Variants in NES observed in about 807,000 individuals in gnomAD.
NES encodes the protein nestin.
Under a neutral mutation model 35.6 loss-of-function variants are expected in NES, and 27 were observed. The ratio of observed to expected loss-of-function variants is 0.76; its 90% CI spans 0.56 to 1.04. NES has a LOEUF of 1.04. NES is among the 50% of genes least tolerant of loss of function. The pLI, the probability that NES is intolerant of heterozygous loss-of-function variation, is 0.00. For missense variants in NES, 1,867 were observed against 1,983.6 expected, an observed-to-expected ratio of 0.94 and a Z score of 1.12; for synonymous variants, 822 against 824.2, an observed-to-expected ratio of 1.00 and a Z score of 0.04.
At position 156,669,547 on chromosome 1, in the gene NES, CTG is replaced by C; in HGVS notation, c.4639_4640del (p.Gln1547AlafsTer14). The C allele has an allele frequency of 6.2e-7, 1 of 1,613,214 alleles. No homozygotes were observed. The highest frequency in any genetic ancestry group is 8.5e-7 in the Non-Finnish European group (1 of 1,179,354). On this transcript the variant is annotated frameshift_variant, in exon 4 of 4. Coordinates refer to ENST00000368223, the MANE Select transcript of NES (RefSeq NM_006617.2). LOFTEE classifies it low-confidence loss of function (END_TRUNC). ...CGTTCATCACTCCCCCATTCACATGCTGTGACTTCCCCTCCAAGTTGGGACCC... is the reference window on the plus strand; with the variant it reads ...CGTTCATCACTCCCCCATTCACATGCTGACTTCCCCTCCAAGTTGGGACCC... Reference protein sequence around the residue: ...GQGPNLEGKSQHVNGGVMNGL... With the variant: ...GQGPNLEGKSXHVNGGVMNGL...
Position 156,671,867 on chromosome 1 carries a change from T to C in NES, c.2321A>G (p.Gln774Arg), listed in dbSNP as rs770484882. 1 of 1,614,036 alleles carries C rather than the reference T, an allele frequency of 6.2e-7. No homozygotes were observed. ...TTTTTCTGGGGGTCTTAATGTCATC[T>C]GATCCTGTTCCCCTAGAGACCTCCG... ...QRRRSLGEQD[Q>R]MTLRPPEKVD... The change falls in exon 4 of 4, where the codon CAG becomes CGG. Residue 774 changes from glutamine to arginine, a missense_variant. Physicochemically the swap from Gln to Arg is conservative, Grantham distance 43 (BLOSUM62 1). Transcript: ENST00000368223.
At position 156,669,122 on chromosome 1, in the gene NES, A is replaced by T. The variant is rs941872169; in HGVS notation, c.*200T>A. 2.2e-6 allele frequency: 1 copy of T among 458,218 alleles called. No individual in the cohort carries two copies. The highest frequency in any genetic ancestry group is 3.8e-6 in the Non-Finnish European group (1 of 261,028). 28.4% of individuals were successfully genotyped at this position (458,218 alleles called of 1,614,324 possible). ...GATTCCCTTTGCAGGGTGGGAGGTTATATTCCTACAGCCTCCATTCTTGGA... is the reference window on the plus strand; with the variant it reads ...GATTCCCTTTGCAGGGTGGGAGGTTTTATTCCTACAGCCTCCATTCTTGGA... On this transcript the variant is annotated 3_prime_UTR_variant, in exon 4 of 4. Coordinates refer to ENST00000368223, the MANE Select transcript of NES (RefSeq NM_006617.2).
chr1:156,677,353 G>A lies in NES; in HGVS notation c.-89C>T. The A allele has an allele frequency of 1.1e-5, 5 of 458,704 alleles. No individual in the cohort carries two copies. Among genetic ancestry groups the A allele is most frequent in the Non-Finnish European group, 1.9e-5 (5 of 262,154 alleles). The allele number at this position is 458,704 out of a possible 1,614,324, so 28.4% of individuals were successfully genotyped here. On this transcript the variant is annotated 5_prime_UTR_variant, in exon 1 of 4. Coordinates refer to ENST00000368223, the MANE Select transcript of NES (RefSeq NM_006617.2). This position sits in a 1 kb window ranked among gnomAD's most constrained non-coding sequence, Gnocchi z 4.5. ...AGAGCTTTTAGGACGGAAGAGAAAA[G>A]AGACCGACGGGGACAATGACGGGGC...
At chr1:156,675,054 G>T (rs1647226761) in intron 2 of NES, among the ~76,000 whole-genome samples, 162 bp downstream of exon 2, 6 of 152,232 alleles carry the variant, frequency 3.9e-5, no homozygotes. Context: ...GACGGTTTCA[G>T]GCAGGACATG....
rs1480562427 is a variant in NES, at chr1:156,670,949, G to A, written c.3239C>T (p.Pro1080Leu). Residue 1080 changes from proline (P) to leucine (L), a missense_variant, in exon 4 of 4, where the codon CCA becomes CTA. By Grantham distance (98) the Pro-to-Leu change is moderately conservative. Transcript: ENST00000368223. The part of the protein sequence containing the change: ...DVAPGGDQAS[P>L]EVMLGSEPAM... ...AGGCTCTGACCCCAACATGACCTCT[G>A]GGGAGGCTTGGTCACCCCCTGGGGC... The A allele has an allele frequency of 6.2e-7, 1 of 1,611,038 alleles. No individual in the cohort carries two copies. The highest frequency in any genetic ancestry group is 1.1e-5 in the South Asian group (1 of 90,970).
chr1:156,675,636 A>T (rs1343526611), intron 1 of NES, among the ~76,000 whole-genome samples: 1 of 152,088 alleles, frequency 6.6e-6, no homozygotes, highest in Non-Finnish European at 1.5e-5. Flanking sequence ...CTCCCACAGG[A>T]AGGGGAGGTG....
chr1:156,676,947 C>G lies in NES; in HGVS notation c.318G>C (p.Thr106=), dbSNP rs568817091. The G allele has an allele frequency of 3.9e-6, 6 of 1,555,546 alleles. No individual in the cohort carries two copies. Among genetic ancestry groups the G allele is most frequent in the Non-Finnish European group, 5.2e-6 (6 of 1,158,720 alleles). The change falls in exon 1 of 4, where the codon ACG becomes ACC. Residue 106 remains threonine (T), a synonymous_variant. Transcript: ENST00000368223. This position sits in a 1 kb window ranked among gnomAD's most constrained non-coding sequence, Gnocchi z 5.3. ...CGCGCCGGTTGCGGGCTACCTCCTCCGTCGTCCGCTCCCGGGCCAGCCGCA... is the reference window on the plus strand; with the variant it reads ...CGCGCCGGTTGCGGGCTACCTCCTCGGTCGTCCGCTCCCGGGCCAGCCGCA... ...QQLRLARERT[T]EEVARNRRAV...
At position 156,672,610 on chromosome 1, in the gene NES, T is replaced by A. The variant is rs1158748859; in HGVS notation, c.1578A>T (p.Glu526Asp). The A allele has an allele frequency of 2.5e-6, 4 of 1,613,694 alleles. No homozygotes were observed. The highest frequency in any genetic ancestry group is 3.4e-6 in the Non-Finnish European group (4 of 1,179,864). The change falls in exon 4 of 4, where the codon GAA (glutamate) becomes GAT (aspartate). Residue 526 changes from glutamate to aspartate, a missense_variant. Transcript: ENST00000368223. Reference protein sequence around the residue: ...VSSLQQEIWEEEDLNRKEIQD... With the variant: ...VSSLQQEIWEDEDLNRKEIQD... ...GGATTTCCTTCCTGTTTAGATCCTCTTCTTCCCATATTTCCTGCTGCAAGC... is the reference window on the plus strand; with the variant it reads ...GGATTTCCTTCCTGTTTAGATCCTCATCTTCCCATATTTCCTGCTGCAAGC...
At position 156,675,304 on chromosome 1, in the gene NES, G is replaced by A; in HGVS notation, c.820C>T (p.Leu274=). Residue 274 remains leucine (L), a synonymous_variant, in exon 2 of 4, where the codon CTA becomes TTA. Coordinates refer to ENST00000368223, the MANE Select transcript of NES (RefSeq NM_006617.2). ...AGGACCTGAGCGATCTGGCTCTGTA[G>A]GCCCTGTTTCTCCTGCTCCAGGGCC... The part of the protein sequence containing the change: ...VEALEQEKQG[L]QSQIAQVLEG... The A allele has an allele frequency of 6.2e-7, 1 of 1,612,944 alleles. No homozygotes were observed. The highest frequency in any genetic ancestry group is 8.5e-7 in the Non-Finnish European group (1 of 1,179,534).
At position 156,670,627 on chromosome 1, in the gene NES, G is replaced by C; in HGVS notation, c.3561C>G (p.Phe1187Leu). The C allele has an allele frequency of 6.2e-7, 1 of 1,613,834 alleles. No individual in the cohort carries two copies. The highest frequency in any genetic ancestry group is 8.5e-7 in the Non-Finnish European group (1 of 1,179,928). Reference sequence around the variant, plus strand: ...CAGTGTGGCCCAGGGTCTCAGCAGGGAACGCCTCCTCTGCTCCCCTGGGGG... The same window carrying C: ...CAGTGTGGCCCAGGGTCTCAGCAGGCAACGCCTCCTCTGCTCCCCTGGGGG... ...AEAPRGAEEA[F>L]PAETLGHTGS... The change falls in exon 4 of 4, where the codon TTC becomes TTG. Residue 1187 changes from phenylalanine to leucine, a missense_variant. Coordinates refer to ENST00000368223, the MANE Select transcript of NES (RefSeq NM_006617.2).
rs758036476 is a variant in NES at position 156,671,560 on chromosome 1, C to T, written c.2628G>A (p.Val876=). The change falls in exon 4 of 4, where the codon GTG becomes GTA. Residue 876 remains valine (V), a synonymous_variant. Coordinates refer to ENST00000368223, the MANE Select transcript of NES (RefSeq NM_006617.2). ...CCAGGAGTCTGAATGTCTCTTGGTT[C>T]ACTTCCACAGACTCCAGTGGTTCTT... The part of the protein sequence containing the change: ...EIQEPLESVE[V]NQETFRLLEE... 5.6e-6 allele frequency: 9 copies of T among 1,613,860 alleles called. No homozygotes were observed. Among genetic ancestry groups the T allele is most frequent in the African/African-American group, 1.3e-5 (1 of 74,932 alleles).
chr1:156,673,162 C>G lies in NES; in HGVS notation c.1026G>C (p.Arg342=). The change falls in exon 4 of 4, where the codon CGG becomes CGC. Residue 342 remains arginine (R), a synonymous_variant. Transcript: ENST00000368223. ...ELQFPRTPEG[R]RLGSLLPVLS... is the part of the protein sequence containing the mutation. ...GGACTGGGAGCAAAGATCCAAGACG[C>G]CGGCCCTCTGGGGTCCTAGGGAATT... is the stretch of plus-strand genomic sequence containing the variant. 6.5e-7 allele frequency: 1 copy of G among 1,536,680 alleles called. No individual in the cohort carries two copies. The highest frequency in any genetic ancestry group is 8.8e-7 in the Non-Finnish European group (1 of 1,141,164).
chr1:156,675,224 G>A lies in NES; in HGVS notation c.900C>T (p.Ala300=), dbSNP rs1452414896. ...CAGGGCTCGTCTCGTACCTGTACGT[G>A]GCCACCTCCAGGCTGAGGGACATCT... ...HLKMSLSLEV[A]TYRTLLEAEN... The change falls in exon 2 of 4, where the codon GCC becomes GCT. Residue 300 remains alanine (A), a synonymous_variant. Coordinates refer to ENST00000368223, the MANE Select transcript of NES (RefSeq NM_006617.2). The A allele has an allele frequency of 6.2e-7, 1 of 1,613,320 alleles. No individual in the cohort carries two copies.
chr1:156,676,075 A>G lies in NES; in HGVS notation c.783+407T>C, dbSNP rs1571466908. ...GGCCCCTCACTCCTCCCCTCAGGAG[A>G]AGGAGGGCTGTGAGGAACTTGGTGA... On this transcript the variant is annotated intron_variant, in intron 1 of 3. Transcript: ENST00000368223. The surrounding 1 kb of genome is among the most constrained non-coding windows in gnomAD (Gnocchi z 5.3). 6.6e-6 allele frequency among the ~76,000 whole-genome samples: 1 copy of G among 152,240 alleles called. No individual in the cohort carries two copies. Among genetic ancestry groups the G allele is most frequent in the Middle Eastern group, 3.4e-3 (1 of 294 alleles).
At position 156,672,796 on chromosome 1, in the gene NES, G is replaced by A; in HGVS notation, c.1392C>T (p.Ala464=). The change falls in exon 4 of 4, where the codon GCC becomes GCT. Residue 464 remains alanine (A), a synonymous_variant. Coordinates refer to ENST00000368223, the MANE Select transcript of NES (RefSeq NM_006617.2). The part of the protein sequence containing the change: ...ASTGQSPEDH[A]SLAPPLSPDH... ...CAGGGCTGAGGGGTGGTGCCAAGGA[G>A]GCATGGTCCTCTGGGGACTGGCCTG... The A allele has an allele frequency of 6.2e-7, 1 of 1,613,676 alleles. No homozygotes were observed. The highest frequency in any genetic ancestry group is 1.1e-5 in the South Asian group (1 of 91,084).
At position 156,677,308 on chromosome 1, in the gene NES, G is replaced by A. The variant is rs371491388; in HGVS notation, c.-44C>T. 3.3e-5 allele frequency: 50 copies of A among 1,524,006 alleles called. No individual in the cohort carries two copies. Among genetic ancestry groups the A allele is most frequent in the Non-Finnish European group, 4.4e-5 (49 of 1,125,138 alleles). 94.4% of individuals were successfully genotyped at this position (1,524,006 alleles called of 1,614,324 possible). The stretch of plus-strand genomic sequence containing the variant: ...TGAGGATGGACAGACGCGGGGCACC[G>A]GGAGAAGGGAGCGGCTCGCAGAGCT... On this transcript the variant is annotated 5_prime_UTR_variant, in exon 1 of 4. Transcript: ENST00000368223. This position sits in a 1 kb window ranked among gnomAD's most constrained non-coding sequence, Gnocchi z 4.5.
Position 156,670,378 on chromosome 1 carries a change from C to A in NES, c.3810G>T (p.Glu1270Asp). The change falls in exon 4 of 4, where the codon GAG (glutamate) becomes GAT (aspartate). Residue 1270 changes from glutamate (E) to aspartate (D), a missense_variant. Glu to Asp is a conservative substitution (Grantham distance 45). Coordinates refer to ENST00000368223, the MANE Select transcript of NES (RefSeq NM_006617.2). Reference sequence around the variant, plus strand: ...CTTCCTCCTGGGGGCCCTCGGGGATCTCCCCAGAACCCAACTCCTCCTGCT... The same window carrying A: ...CTTCCTCCTGGGGGCCCTCGGGGATATCCCCAGAACCCAACTCCTCCTGCT... The part of the protein sequence containing the change: ...ESEQEELGSG[E>D]IPEGPQEEGE... The A allele has an allele frequency of 6.2e-7, 1 of 1,600,182 alleles. No individual in the cohort carries two copies. The highest frequency in any genetic ancestry group is 8.5e-7 in the Non-Finnish European group (1 of 1,173,284).
chr1:156,670,879 C>T lies in NES; in HGVS notation c.3309G>A (p.Gln1103=), dbSNP rs763609545. The stretch of plus-strand genomic sequence containing the variant: ...CTGGGTCCCCCAGCCCTCCCACCCC[C>T]TGCCCCGGGCCTGGCTCAGCTCCCG... ...SAAGAEPGPG[Q]GVGGLGDPGH... The change falls in exon 4 of 4, where the codon CAG becomes CAA. Residue 1103 remains glutamine, a synonymous_variant. Coordinates refer to ENST00000368223, the MANE Select transcript of NES (RefSeq NM_006617.2). 2.2e-5 allele frequency: 35 copies of T among 1,597,502 alleles called. 1 individual carries two copies. The South Asian group carries it at 3.6e-4, about 17-fold the overall frequency.
rs1227277646 is a variant in NES, at chr1:156,676,365, G to T, written c.783+117C>A. On this transcript the variant is annotated intron_variant, in intron 1 of 3. Coordinates refer to ENST00000368223, the MANE Select transcript of NES (RefSeq NM_006617.2). The surrounding 1 kb of genome is among the most constrained non-coding windows in gnomAD (Gnocchi z 5.3). ...TGTGGCACCAGGTTTCTGAGAACTG[G>T]CTCCTGATTCAGCAGCCAGCTAGCC... The T allele has an allele frequency of 1.0e-6, 1 of 1,001,358 alleles. No individual in the cohort carries two copies. The highest frequency in any genetic ancestry group is 2.6e-5 in the East Asian group (1 of 37,798). 62.0% of individuals were successfully genotyped at this position (1,001,358 alleles called of 1,614,324 possible). A position where few individuals can be genotyped will look rare whatever the true frequency, so the allele number is the denominator to read the frequency against.
Sources: gnomAD v4.1 joint callset for allele counts (sites outside exome capture counted in the v4.1 genomes callset) on GRCh38, gnomAD v4.1.1 for gene constraint, Gnocchi (gnomAD v3.1) non-coding constraint, MANE v1.5 for transcripts, NCBI Gene and HGNC (gene_info 2026-07-23, HGNC 2026-07-21) for gene names.